Variants in SAMSN1 observed in about 807,000 individuals in gnomAD.
SAMSN1 encodes the protein SAM domain-containing protein SAMSN-1.
A neutral mutation model predicts 42.0 loss-of-function variants in SAMSN1; 31 were observed. The observed-to-expected ratio is 0.74, with a 90% CI of 0.55 to 1.00. SAMSN1 has a LOEUF of 1.00. Among genes scored for constraint, SAMSN1 ranks in the 50% least tolerant of loss-of-function variants. SAMSN1 has a pLI of 0.00. For missense variants in SAMSN1, 464 were observed against 439.4 expected, an observed-to-expected ratio of 1.06 and a Z score of -0.50; for synonymous variants, 178 against 151.9, an observed-to-expected ratio of 1.17 and a Z score of -1.26.
chr21:14,528,813 C>T (rs988804269), intron 1 of SAMSN1, among the ~76,000 whole-genome samples: 3 of 152,144 alleles, frequency 2.0e-5, no homozygotes, highest in Non-Finnish European at 4.4e-5. Context: ...ATTCTTCTTT[C>T]CAAAATGTAA....
chr21:14,599,188 C>T (rs927768973), intron 6 of SAMSN1, among the ~76,000 whole-genome samples: 4 of 152,220 alleles, frequency 2.6e-5, no homozygotes, highest in South Asian at 2.1e-4. Flanking sequence ...TGTGTCCTCA[C>T]AAAAAATCTC....
upstream of SAMSN1, among the ~76,000 whole-genome samples, chr21:14,550,328 A>T (rs2061926002): frequency 6.6e-6 from 1 of 152,026 alleles, no homozygotes; most frequent in Non-Finnish European, 1.5e-5. Context: ...CAGCTCTTGA[A>T]ATCCCTTCTA....
chr21:14,618,056 C>A (rs1238824489), intron 2 of SAMSN1, among the ~76,000 whole-genome samples: 2 of 152,100 alleles, frequency 1.3e-5, no homozygotes, highest in Non-Finnish European at 2.9e-5. Context: ...TTCCTAAGAC[C>A]ACAAATAGAG....
Position 14,485,884 on chromosome 21 carries a change from C to A in SAMSN1, c.*28G>T, listed in dbSNP as rs762374562. ...CAAGAAGAGTTAAAATGGAATGCATCTGTAGATATATAGTTGGGAATGCGT... is the reference window on the plus strand; with the variant it reads ...CAAGAAGAGTTAAAATGGAATGCATATGTAGATATATAGTTGGGAATGCGT... On this transcript the variant is annotated 3_prime_UTR_variant, in exon 8 of 8. Coordinates refer to ENST00000400566, the MANE Select transcript of SAMSN1 (RefSeq NM_022136.5). The A allele has an allele frequency of 5.1e-6, 8 of 1,559,152 alleles. No individual in the cohort carries two copies. The highest frequency in any genetic ancestry group is 6.2e-6 in the Non-Finnish European group (7 of 1,131,078).
At chr21:14,553,970 C>T (rs555748437) in intron 2 of SAMSN1, among the ~76,000 whole-genome samples, 16 of 152,134 alleles carry the variant, frequency 1.1e-4, no homozygotes, top group African/African-American at 2.7e-4. Flanking sequence ...CATCTGGAAA[C>T]GGATTAGTCC....
At chr21:14,613,062 C>T (rs1432803990) in intron 3 of SAMSN1, 2 of 479,226 alleles carry the variant, frequency 4.2e-6, no homozygotes, top group Non-Finnish European at 3.8e-6. Context: ...ATTTTCCTAA[C>T]CCTAGGTGGC....
chr21:14,582,412 C>T (rs1279391429), exon 2 of SAMSN1: 7 of 1,548,876 alleles, frequency 4.5e-6, no homozygotes, highest in Admixed American at 3.9e-5. Flanking sequence ...CCTTCCTCCT[C>T]GTGCTAACAC....
intron 1 of SAMSN1, among the ~76,000 whole-genome samples, chr21:14,647,196 A>G (rs1425132434): frequency 6.6e-6 from 1 of 152,200 alleles, no homozygotes; most frequent in Non-Finnish European, 1.5e-5. Flanking sequence ...ATAAAAGCAC[A>G]TATATATGGC....
At chr21:14,540,287 C>G (rs1355491693) in intron 1 of SAMSN1, among the ~76,000 whole-genome samples, 1 of 152,140 alleles carries the variant, frequency 6.6e-6, no homozygotes, top group Admixed American at 6.5e-5. Flanking sequence ...CCAAAATTGA[C>G]AAATGGGATC....
intron 2 of SAMSN1, among the ~76,000 whole-genome samples, chr21:14,558,564 C>T (rs1980838851): frequency 6.6e-6 from 1 of 151,878 alleles, no homozygotes; most frequent in Admixed American, 6.6e-5. Flanking sequence ...GCCTGTAGTC[C>T]CAGCTACTCG....
intron 2 of SAMSN1, among the ~76,000 whole-genome samples, chr21:14,579,201 A>C (rs1981615562): frequency 6.6e-6 from 1 of 152,344 alleles, no homozygotes; most frequent in Admixed American, 6.5e-5. Context: ...ATTTAACTCT[A>C]ACATGCTCTT....
intron 2 of SAMSN1, among the ~76,000 whole-genome samples, chr21:14,571,778 C>T (rs1416955850): frequency 1.3e-5 from 2 of 152,090 alleles, no homozygotes; most frequent in East Asian, 1.9e-4. Flanking sequence ...CATGTGCACT[C>T]CAGCCTCTTC....
chr21:14,608,538 G>C (rs1006067866), intron 5 of SAMSN1, among the ~76,000 whole-genome samples: 2 of 152,192 alleles, frequency 1.3e-5, no homozygotes, highest in African/African-American at 4.8e-5. Context: ...TCCTGGTGCT[G>C]TGCTGGGCTC....
At chr21:14,487,909 A>G (rs1236223449) in intron 7 of SAMSN1, among the ~76,000 whole-genome samples, 1 of 152,102 alleles carries the variant, frequency 6.6e-6, no homozygotes, top group Admixed American at 6.6e-5. Flanking sequence ...TTTTGTGTGC[A>G]TTATTCATGA....
At chr21:14,496,326 C>G (rs1986914113) in intron 7 of SAMSN1, 1 of 152,212 alleles carries the variant, frequency 6.6e-6, no homozygotes, top group Non-Finnish European at 1.5e-5. Context: ...CTGCACTCAT[C>G]TAGCTGTTCG....
chr21:14,648,590 C>T (rs1983765942), intron 1 of SAMSN1, among the ~76,000 whole-genome samples: 1 of 151,914 alleles, frequency 6.6e-6, no homozygotes, highest in South Asian at 2.1e-4. Flanking sequence ...ACAAACAACC[C>T]CATCAAAAAG....
intron 1 of SAMSN1, among the ~76,000 whole-genome samples, chr21:14,529,406 A>C (rs962570816): frequency 6.6e-6 from 1 of 152,244 alleles, no homozygotes; most frequent in African/African-American, 2.4e-5. Context: ...TTCAAGTTAA[A>C]TGTCAAAAAT....
At chr21:14,604,528 C>T (rs1030273312) in intron 5 of SAMSN1, among the ~76,000 whole-genome samples, 1 of 152,148 alleles carries the variant, frequency 6.6e-6, no homozygotes, top group Non-Finnish European at 1.5e-5. Context: ...GCTTGGGCAA[C>T]AGAGTGAGGC....
At chr21:14,565,999 A>C (rs1400190803) in intron 2 of SAMSN1, among the ~76,000 whole-genome samples, 4 of 152,188 alleles carry the variant, frequency 2.6e-5, no homozygotes, top group Non-Finnish European at 5.9e-5. Flanking sequence ...CCAATTACCT[A>C]TCTGCAGATG....
Sources: gnomAD v4.1 joint callset for allele counts (sites outside exome capture counted in the v4.1 genomes callset) on GRCh38, gnomAD v4.1.1 for gene constraint, MANE v1.5 for transcripts, NCBI Gene and HGNC (gene_info 2026-07-23, HGNC 2026-07-21) for gene names.